Variants in SPRY3 observed in about 807,000 individuals in gnomAD.
SPRY3 encodes sprouty RTK signaling antagonist 3.
Under a neutral mutation model 20.2 loss-of-function variants are expected in SPRY3, and 15 were observed. That is an observed-to-expected ratio of 0.74 (90% CI 0.50 to 1.14). The LOEUF (loss-of-function observed/expected upper bound fraction) is 1.14. SPRY3 is among the 50% of genes most tolerant of loss of function. The pLI, the probability that SPRY3 is intolerant of heterozygous loss-of-function variation, is 0.00. For missense variants in SPRY3, 364 were observed against 363.9 expected, an observed-to-expected ratio of 1.00 and a Z score of 0.00; for synonymous variants, 143 against 136.5, an observed-to-expected ratio of 1.05 and a Z score of -0.33.
intron 1 of SPRY3, among the ~76,000 whole-genome samples, chrX:155,631,013 A>G (rs2067904708): frequency 9.1e-6 from 1 of 109,814 alleles, no homozygotes; most frequent in Non-Finnish European, 1.9e-5. Flanking sequence ...GATTTGTGTG[A>G]TGCTGAGGCT....
intron 2 of SPRY3, among the ~76,000 whole-genome samples, chrX:155,663,488 C>G (rs937321581): frequency 9.0e-6 from 1 of 110,780 alleles, no homozygotes; most frequent in South Asian, 3.8e-4. Context: ...GAGGCTAGGT[C>G]AGAAAGAGAG....
chrX:155,703,561 A>C (rs2090926897), intron 2 of SPRY3, among the ~76,000 whole-genome samples: 1 of 110,700 alleles, frequency 9.0e-6, no homozygotes, highest in Admixed American at 1.0e-4. Context: ...CCTTTCAAAA[A>C]ACCAGCTCCT....
rs768277363 is a variant in SPRY3, at chrX:155,774,046, C to G, written c.175C>G (p.Pro59Ala). Residue 59 changes from proline to alanine, a missense_variant, in exon 4 of 4, where the codon CCT (proline) becomes GCT (alanine). By Grantham distance (27) the Pro-to-Ala change is conservative. Transcript: ENST00000675360. The stretch of plus-strand genomic sequence containing the variant: ...GTCTGATTGGTCTCTGGCTACCATG[C>G]CTACTTCTCTCCCCCGCAGTCTCAG... The G allele has an allele frequency of 8.1e-6, 13 of 1,613,996 alleles. No homozygotes were observed. The South Asian group carries it at 1.2e-4, about 15-fold the overall frequency.
intron 2 of SPRY3, among the ~76,000 whole-genome samples, chrX:155,737,278 G>C (rs752568448): frequency 3.9e-5 from 6 of 152,146 alleles, no homozygotes; most frequent in African/African-American, 1.4e-4. Flanking sequence ...TGGGCATCTA[G>C]ATTGATTCCA....
chrX:155,774,786 A>G, exon 4 of SPRY3: 1 of 1,562,514 alleles, frequency 6.4e-7, no homozygotes, highest in Non-Finnish European at 8.7e-7. Context: ...AGTCCCCAAC[A>G]GCAAAGCATA....
intron 2 of SPRY3, among the ~76,000 whole-genome samples, chrX:155,703,865 G>C (rs1756841071): frequency 2.0e-5 from 3 of 151,868 alleles, no homozygotes; most frequent in African/African-American, 7.3e-5. Context: ...AACAGATATT[G>C]TTCTGGTCGA....
chrX:155,659,498 T>A (rs2068003663), intron 2 of SPRY3, among the ~76,000 whole-genome samples: 1 of 110,761 alleles, frequency 9.0e-6, no homozygotes, highest in Non-Finnish European at 1.9e-5. Context: ...TGGCTTGTAG[T>A]TTTCCCTTTT....
Position 155,641,232 on chromosome X carries a change from C to G in SPRY3, c.-440-15635C>G, listed in dbSNP as rs137996724. ...TGATGTACTGCATTAGTTGATTTGC[C>G]TATATTAAACCATCTTTGCATCCGT... On this transcript the variant is annotated intron_variant, in intron 1 of 3. Transcript: ENST00000675360. 6.9e-3 allele frequency among the ~76,000 whole-genome samples: 767 copies of G among 111,878 alleles called. 6 individuals are homozygous for G. Among genetic ancestry groups the G allele is most frequent in the African/African-American group, 0.024 (726 of 30,823 alleles).
intron 2 of SPRY3, among the ~76,000 whole-genome samples, chrX:155,738,844 G>A (rs1270753182): frequency 1.3e-5 from 2 of 152,156 alleles, no homozygotes; most frequent in Non-Finnish European, 2.9e-5. Flanking sequence ...ACTCCACCCT[G>A]GAAATTCCAG....
At chrX:155,737,135 T>C (rs1237952977) in intron 2 of SPRY3, among the ~76,000 whole-genome samples, 1 of 152,190 alleles carries the variant, frequency 6.6e-6, no homozygotes. Flanking sequence ...CTTAACATAT[T>C]AGTTATACCT....
At chrX:155,635,549 C>T (rs1201954064) in intron 1 of SPRY3, among the ~76,000 whole-genome samples, 2 of 111,502 alleles carry the variant, frequency 1.8e-5, no homozygotes, top group East Asian at 5.6e-4. Context: ...AAAAAGTGGG[C>T]AAAGGATATG....
At chrX:155,738,716 A>G (rs2091185126) in intron 2 of SPRY3, among the ~76,000 whole-genome samples, 1 of 152,158 alleles carries the variant, frequency 6.6e-6, no homozygotes, top group Non-Finnish European at 1.5e-5. Flanking sequence ...CAACCTGCAG[A>G]TCAGGAGATC....
intron 1 of SPRY3, among the ~76,000 whole-genome samples, chrX:155,646,406 A>C (rs181586834): frequency 3.6e-5 from 4 of 112,124 alleles, no homozygotes; most frequent in African/African-American, 1.3e-4. Flanking sequence ...CAATATTAAA[A>C]TTTCCAATCC....
intron 3 of SPRY3, among the ~76,000 whole-genome samples, chrX:155,771,554 C>T (rs306887): frequency 0.61 from 93,308 of 151,940 alleles, 29,021 homozygotes; most frequent in East Asian, 0.79. Context: ...TGCAGGGCTC[C>T]ACATATTCTT....
exon 2 of SPRY3, chrX:155,782,149 A>G (rs1462597449): frequency 1.8e-5 from 3 of 167,028 alleles, no homozygotes; most frequent in Non-Finnish European, 4.4e-5. Context: ...TTACCCATGG[A>G]AAGCCAAGGG....
exon 4 of SPRY3, chrX:155,776,058 C>T (rs933258637): frequency 1.2e-5 from 2 of 167,066 alleles, no homozygotes; most frequent in Non-Finnish European, 2.9e-5. Context: ...TATTCTTACC[C>T]CTGTACCACA....
chrX:155,706,002 G>A (rs1346995811), intron 2 of SPRY3, among the ~76,000 whole-genome samples: 1 of 151,232 alleles, frequency 6.6e-6, no homozygotes, highest in East Asian at 1.9e-4. Context: ...GATCTGAACA[G>A]CACTAACAAG....
chrX:155,637,212 T>C (rs1329759216), intron 1 of SPRY3, among the ~76,000 whole-genome samples: 2 of 110,748 alleles, frequency 1.8e-5, no homozygotes, highest in Non-Finnish European at 3.8e-5. Flanking sequence ...TTAATAATAT[T>C]AAAATACAAA....
intron 2 of SPRY3, among the ~76,000 whole-genome samples, chrX:155,754,253 A>T (rs2091275178): frequency 6.6e-6 from 1 of 151,888 alleles, no homozygotes; most frequent in Admixed American, 6.6e-5. Flanking sequence ...TTTTGAGTTA[A>T]TTTTTTGTAC....
Sources: gnomAD v4.1 joint callset for allele counts (sites outside exome capture counted in the v4.1 genomes callset) on GRCh38, gnomAD v4.1.1 for gene constraint, MANE v1.5 for transcripts, NCBI Gene and HGNC (gene_info 2026-07-23, HGNC 2026-07-21) for gene names.